DGKB: variants seen among roughly 807,000 people sequenced by gnomAD.
DGKB encodes 90 kDa diacylglycerol kinase.
A neutral mutation model predicts 114.3 loss-of-function variants in DGKB; 67 were observed. That is an observed-to-expected ratio of 0.59 (90% CI 0.48 to 0.72). The LOEUF is 0.72. Among genes scored for constraint, DGKB ranks in the 30% least tolerant of loss-of-function variants. DGKB has a pLI of 0.00. For missense variants in DGKB, 907 were observed against 975.2 expected (o/e 0.93, Z 0.93); for synonymous variants, 398 against 323.1 (o/e 1.23, Z -2.49).
intron 23 of DGKB, among the ~76,000 whole-genome samples, chr7:14,283,472 C>G (rs1800308692): frequency 6.6e-6 from 1 of 150,896 alleles, no homozygotes; most frequent in Non-Finnish European, 1.5e-5. Context: ...CCATCCCCAT[C>G]AAGCTACCAA....
At chr7:14,463,965 A>G (rs546923718) in intron 21 of DGKB, among the ~76,000 whole-genome samples, 2 of 152,174 alleles carry the variant, frequency 1.3e-5, no homozygotes, top group Non-Finnish European at 2.9e-5. Flanking sequence ...ATAATAACTG[A>G]GAATAAAAAT....
intron 23 of DGKB, among the ~76,000 whole-genome samples, chr7:14,246,381 A>G (rs1290255124): frequency 3.3e-5 from 5 of 152,132 alleles, no homozygotes; most frequent in Admixed American, 2.6e-4. Flanking sequence ...GCCTAATATC[A>G]CACAGCTGGT....
At chr7:14,720,465 C>T (rs1261439457) in intron 5 of DGKB, among the ~76,000 whole-genome samples, 1 of 142,784 alleles carries the variant, frequency 7.0e-6, no homozygotes, top group East Asian at 2.0e-4. Context: ...ACACCACGCC[C>T]GGCTGATTTG....
intron 20 of DGKB, among the ~76,000 whole-genome samples, chr7:14,567,311 TA>T (rs1797626242): frequency 2.5e-5 from 1 of 39,562 alleles, no homozygotes; most frequent in Non-Finnish European, 4.2e-5. Context: ...ATATTATATA[TA>T]ATTATATTAT....
At chr7:14,536,630 C>T (rs1255425948) in intron 20 of DGKB, among the ~76,000 whole-genome samples, 1 of 152,088 alleles carries the variant, frequency 6.6e-6, no homozygotes, top group Non-Finnish European at 1.5e-5. Context: ...TCATGCTAAA[C>T]CACTCAACAA....
chr7:14,705,415 C>T (rs1339969271), intron 6 of DGKB, among the ~76,000 whole-genome samples: 1 of 151,320 alleles, frequency 6.6e-6, no homozygotes, highest in Non-Finnish European at 1.5e-5. Context: ...TCCAGGAGAA[C>T]TTCCCCAATC....
intron 1 of DGKB, among the ~76,000 whole-genome samples, chr7:14,862,104 A>T (rs979278185): frequency 2.6e-5 from 4 of 152,006 alleles, no homozygotes; most frequent in Admixed American, 6.6e-5. Flanking sequence ...TTCCTTAACT[A>T]TTAATGAACT....
At chr7:14,179,688 G>A (rs1202066113) in intron 23 of DGKB, among the ~76,000 whole-genome samples, 1 of 152,080 alleles carries the variant, frequency 6.6e-6, no homozygotes, top group Non-Finnish European at 1.5e-5. Context: ...CAGGATCGTA[G>A]GTAAATTTAA....
intron 13 of DGKB, among the ~76,000 whole-genome samples, chr7:14,642,648 C>G (rs75178645): frequency 1.3e-5 from 2 of 152,036 alleles, no homozygotes; most frequent in African/African-American, 4.8e-5. Context: ...CTAAGGCTAC[C>G]AAGAAACTCA....
At position 14,691,568 on chromosome 7, in the gene DGKB, T is replaced by A. The variant is rs181210555; in HGVS notation, c.711+2507A>T. On this transcript the variant is annotated intron_variant, in intron 9 of 25. Transcript: ENST00000402815. The stretch of plus-strand genomic sequence containing the variant: ...TTCTTGCTTTTTAAAACAATTACCA[T>A]GCCTTAGAATTCAACAGCTCTTTCT... 3.8e-3 allele frequency among the ~76,000 whole-genome samples: 578 copies of A among 152,318 alleles called. 2 individuals are homozygous for A. The highest frequency in any genetic ancestry group is 0.01 in the Middle Eastern group (3 of 294).
intron 20 of DGKB, among the ~76,000 whole-genome samples, chr7:14,506,049 T>C (rs1407967257): frequency 6.6e-6 from 1 of 152,182 alleles, no homozygotes; most frequent in Non-Finnish European, 1.5e-5. Flanking sequence ...TAGCTCACAA[T>C]GTGAACCACA....
intron 5 of DGKB, among the ~76,000 whole-genome samples, chr7:14,735,407 T>G (rs1388084848): frequency 6.6e-6 from 1 of 152,208 alleles, no homozygotes; most frequent in East Asian, 1.9e-4. Context: ...CTGTCTTCTC[T>G]TTTTGCTTTT....
chr7:14,192,015 T>C (rs947609135), intron 23 of DGKB: 73 of 511,874 alleles, frequency 1.4e-4, no homozygotes, highest in Non-Finnish European at 2.4e-4. Flanking sequence ...CTTTTCTGAC[T>C]ATCCTCTGAG....
intron 23 of DGKB, among the ~76,000 whole-genome samples, chr7:14,263,573 A>G (rs1797071117): frequency 6.6e-6 from 1 of 152,138 alleles, no homozygotes; most frequent in South Asian, 2.1e-4. Context: ...ATCAGTTCAG[A>G]TATTACCTTT....
At chr7:14,726,153 T>A (rs1829998186) in intron 5 of DGKB, among the ~76,000 whole-genome samples, 1 of 152,066 alleles carries the variant, frequency 6.6e-6, no homozygotes, top group Non-Finnish European at 1.5e-5. Flanking sequence ...TATTTATTTA[T>A]TTTTGAGATG....
intron 6 of DGKB, among the ~76,000 whole-genome samples, chr7:14,713,654 C>A (rs928928777): frequency 6.8e-6 from 1 of 147,166 alleles, no homozygotes; most frequent in Non-Finnish European, 1.5e-5. Flanking sequence ...TTTTCATTGT[C>A]AAACTATAGG....
intron 23 of DGKB, among the ~76,000 whole-genome samples, chr7:14,279,349 A>G (rs368748481): frequency 7.9e-5 from 12 of 152,268 alleles, no homozygotes; most frequent in East Asian, 3.9e-4. Context: ...AAACAAAGCA[A>G]CTGGGAAGCT....
At chr7:14,853,864 T>A (rs1437361438) in intron 1 of DGKB, among the ~76,000 whole-genome samples, 1 of 69,006 alleles carries the variant, frequency 1.4e-5, no homozygotes, top group East Asian at 3.6e-4. Context: ...CGAGACTCCG[T>A]CTCAAAAAAA....
intron 23 of DGKB, among the ~76,000 whole-genome samples, chr7:14,274,316 C>T (rs78698789): frequency 0.043 from 6,529 of 152,204 alleles, 193 homozygotes; most frequent in Non-Finnish European, 0.069. Flanking sequence ...TTTTTTCTCT[C>T]GGCAACGACT....
Sources: gnomAD v4.1 joint callset for allele counts (sites outside exome capture counted in the v4.1 genomes callset) on GRCh38, gnomAD v4.1.1 for gene constraint, MANE v1.5 for transcripts, NCBI Gene and HGNC (gene_info 2026-07-23, HGNC 2026-07-21) for gene names.